Variants in TEX11 observed in about 807,000 individuals in gnomAD.
TEX11 encodes testis-expressed protein 11.
TEX11 carries 7 observed loss-of-function variants against 84.4 expected under a neutral mutation model. The observed-to-expected ratio is 0.08, with a 90% CI of 0.05 to 0.16. TEX11 has a LOEUF of 0.16. Ranked by LOEUF, TEX11 falls within the 10% of genes least tolerant of loss-of-function variation. TEX11 has a pLI of 1.00. For synonymous variants in TEX11, 264 were observed against 222.8 expected (o/e 1.18, Z -1.64); for missense variants, 551 against 660.5 (o/e 0.83, Z 1.82).
intron 13 of TEX11, among the ~76,000 whole-genome samples, chrX:70,687,964 A>G (rs2090202951): frequency 9.0e-6 from 1 of 111,140 alleles, no homozygotes; most frequent in African/African-American, 3.3e-5. Flanking sequence ...GAGAAAACAG[A>G]CTGAAAAAAA....
At chrX:70,746,396 G>T (rs2090767744) in intron 9 of TEX11, among the ~76,000 whole-genome samples, 1 of 111,479 alleles carries the variant, frequency 9.0e-6, no homozygotes, top group South Asian at 3.9e-4. Flanking sequence ...CAAGAATACT[G>T]AGATCCTGAT....
At chrX:70,870,911 T>G (rs2091626291) in intron 4 of TEX11, among the ~76,000 whole-genome samples, 1 of 111,129 alleles carries the variant, frequency 9.0e-6, no homozygotes, top group Admixed American at 9.6e-5. Context: ...GTGATTCTGA[T>G]TTTTTGGGGG....
chrX:70,587,087 A>C (rs1351284511), intron 25 of TEX11, among the ~76,000 whole-genome samples: 1 of 112,073 alleles, frequency 8.9e-6, no homozygotes, highest in Non-Finnish European at 1.9e-5. Flanking sequence ...TGAACTTGAG[A>C]GAGACGATCT....
chrX:70,744,092 T>C lies in TEX11; in HGVS notation c.747+73A>G. The C allele has an allele frequency of 4.9e-6, 3 of 616,614 alleles. No homozygotes were observed. The South Asian group carries it at 1.6e-4, about 34-fold the overall frequency. 50.8% of individuals were successfully genotyped at this position (616,614 alleles called of 1,213,427 possible). ...ATCTACTCATAAATGGGGAGTACGC[T>C]ATTATAATTTTATAACAATAAAATA... is the stretch of plus-strand genomic sequence containing the variant. On this transcript the variant is annotated intron_variant, in intron 10 of 29. Coordinates refer to ENST00000374333, the MANE Select transcript of TEX11 (RefSeq NM_031276.3).
chrX:70,756,532 G>C (rs1353875379), intron 9 of TEX11, among the ~76,000 whole-genome samples: 1 of 111,954 alleles, frequency 8.9e-6, no homozygotes, highest in Non-Finnish European at 1.9e-5. Context: ...TGAGGGGCTC[G>C]ACTGTTAGAA....
chrX:70,853,014 C>G lies in TEX11; in HGVS notation c.525+20G>C, dbSNP rs759790495. ...ATGGAAAATGCCCCACTGGAAGACC[C>G]TGGTGCCCACGATACCTACTGACTC... On this transcript the variant is annotated intron_variant, in intron 7 of 29. Transcript: ENST00000374333. The G allele has an allele frequency of 8.3e-6, 10 of 1,203,330 alleles. No individual in the cohort carries two copies. The highest frequency in any genetic ancestry group is 1.1e-5 in the Non-Finnish European group (10 of 891,772).
At chrX:70,813,533 T>C (rs1405600248) in intron 8 of TEX11, among the ~76,000 whole-genome samples, 1 of 111,471 alleles carries the variant, frequency 9.0e-6, no homozygotes, top group Non-Finnish European at 1.9e-5. Flanking sequence ...CTTTGAAAAC[T>C]GGCACAAGAG....
intron 2 of TEX11, among the ~76,000 whole-genome samples, chrX:70,904,758 A>G (rs2091820644): frequency 8.9e-6 from 1 of 112,048 alleles, no homozygotes. Flanking sequence ...CTTTAAGTAT[A>G]AAATACATGC....
intron 20 of TEX11, among the ~76,000 whole-genome samples, chrX:70,616,068 G>T (rs73220866): frequency 1.8e-5 from 2 of 111,011 alleles, no homozygotes; most frequent in Non-Finnish European, 3.8e-5. Flanking sequence ...ATGTTAATGA[G>T]CAAGAAAAAA....
intron 17 of TEX11, among the ~76,000 whole-genome samples, chrX:70,635,065 A>G (rs1202585725): frequency 8.9e-6 from 1 of 112,436 alleles, no homozygotes; most frequent in East Asian, 2.8e-4. Context: ...CCCCACAAGA[A>G]CATCAATTTG....
At chrX:70,531,529 C>T (rs930289569) in intron 28 of TEX11, among the ~76,000 whole-genome samples, 3 of 111,411 alleles carry the variant, frequency 2.7e-5, no homozygotes, top group African/African-American at 9.8e-5. Flanking sequence ...CTTAAACAAA[C>T]AAACAAACAT....
the TEX11 span, among the ~76,000 whole-genome samples, chrX:70,518,982 C>G: frequency 9.0e-6 from 1 of 111,598 alleles, no homozygotes; most frequent in African/African-American, 3.3e-5. Flanking sequence ...TTCCTCCATC[C>G]TTTTATTTTG....
At chrX:70,514,822 C>A in the TEX11 span, among the ~76,000 whole-genome samples, 1 of 110,333 alleles carries the variant, frequency 9.1e-6, no homozygotes, top group Non-Finnish European at 1.9e-5. Flanking sequence ...AATCCCAGCA[C>A]TTTGGGAGGC....
At chrX:70,703,849 T>A (rs2090346060) in intron 13 of TEX11, among the ~76,000 whole-genome samples, 1 of 111,996 alleles carries the variant, frequency 8.9e-6, no homozygotes, top group Admixed American at 9.5e-5. Flanking sequence ...CTCCACTACT[T>A]ACTAGCTCTG....
At chrX:70,764,333 T>G (rs1265214783) in intron 9 of TEX11, among the ~76,000 whole-genome samples, 1 of 111,451 alleles carries the variant, frequency 9.0e-6, no homozygotes, top group Non-Finnish European at 1.9e-5. Context: ...AAAGAAATGC[T>G]AAGAGGGAAG....
intron 18 of TEX11, among the ~76,000 whole-genome samples, chrX:70,627,543 G>T (rs906223297): frequency 7.2e-5 from 8 of 111,887 alleles, no homozygotes; most frequent in Non-Finnish European, 1.3e-4. Flanking sequence ...TTCTCTTCCT[G>T]ACTGCTTCAG....
rs191738636 is a variant in TEX11, at chrX:70,570,205, C to T, written c.2141-15405G>A. Among the ~76,000 whole-genome samples the T allele has an allele frequency of 1.3e-3, 151 of 111,885 alleles. No individual in the cohort carries two copies. The South Asian group carries it at 0.018, about 14-fold the overall frequency. ...GAGACTCTGTGGGCATAGGACCCTA[C>T]GAGCCAGGTGCGGGATATAATCTCC... On this transcript the variant is annotated intron_variant, in intron 25 of 29. Transcript: ENST00000374333.
chrX:70,600,147 G>T (rs1200195830), intron 24 of TEX11, among the ~76,000 whole-genome samples: 1 of 111,470 alleles, frequency 9.0e-6, no homozygotes, highest in Non-Finnish European at 1.9e-5. Context: ...CAGTGTAAAA[G>T]TGTTCCTATT....
intron 4 of TEX11, among the ~76,000 whole-genome samples, chrX:70,863,629 T>C (rs1330950519): frequency 9.0e-6 from 1 of 111,706 alleles, no homozygotes; most frequent in African/African-American, 3.3e-5. Flanking sequence ...GAAAAACCAG[T>C]GCAAAAATGC....
Sources: gnomAD v4.1 joint callset for allele counts (sites outside exome capture counted in the v4.1 genomes callset) on GRCh38, gnomAD v4.1.1 for gene constraint, MANE v1.5 for transcripts, NCBI Gene and HGNC (gene_info 2026-07-23, HGNC 2026-07-21) for gene names.